Variants in SEC14L1 observed in about 807,000 individuals in gnomAD.
SEC14L1 encodes SEC14-like protein 1.
Under a neutral mutation model 85.3 loss-of-function variants are expected in SEC14L1, and 48 were observed. The ratio of observed to expected loss-of-function variants is 0.56; its 90% CI spans 0.45 to 0.72. The LOEUF (loss-of-function observed/expected upper bound fraction) is 0.72, where lower values mean the gene tolerates loss of function less well. SEC14L1 is among the 30% of genes least tolerant of loss of function. The pLI is 0.00. For missense variants in SEC14L1, 682 were observed against 921.4 expected (o/e 0.74, Z 3.36); for synonymous variants, 391 against 355.5 (o/e 1.10, Z -1.12).
chr17:77,141,936 A>G (rs2143505886), intron 1 of SEC14L1, among the ~76,000 whole-genome samples: 1 of 152,316 alleles, frequency 6.6e-6, no homozygotes, highest in African/African-American at 2.4e-5. Context: ...AGGTTTGCAA[A>G]AGAAAAAGAA....
At chr17:77,140,003 A>G (rs553500925), upstream of SEC14L1, among the ~76,000 whole-genome samples, 1 of 152,344 alleles carries the variant, frequency 6.6e-6, no homozygotes, top group Admixed American at 6.5e-5. Context: ...GCAGCATGAA[A>G]TGTACAGCCA....
chr17:77,132,664 C>A (rs1803229210), intron 3 of SEC14L1, among the ~76,000 whole-genome samples: 2 of 152,226 alleles, frequency 1.3e-5, no homozygotes, highest in Admixed American at 1.3e-4. Context: ...CTTGGCACAG[C>A]CTAGATAATT....
chr17:77,205,699 G>T (rs1355018106), intron 11 of SEC14L1, among the ~76,000 whole-genome samples: 1 of 152,204 alleles, frequency 6.6e-6, no homozygotes, highest in Non-Finnish European at 1.5e-5. Flanking sequence ...AAAATGTTTA[G>T]TGATTCAGAG....
At position 77,158,963 on chromosome 17, in the gene SEC14L1, G is replaced by A. The variant is rs35226720; in HGVS notation, c.63+15304G>A. 3.6e-4 allele frequency among the ~76,000 whole-genome samples: 53 copies of A among 146,864 alleles called. No homozygotes were observed. In the East Asian group the frequency reaches 0.01, roughly 28 times the overall value. ...TGGGATTACAAATGTGCACCACCAC[G>A]CCCGGCTAATTTTTGTAATTTTAAT... is the stretch of plus-strand genomic sequence containing the variant. On this transcript the variant is annotated intron_variant, in intron 3 of 16. Transcript: ENST00000436233.
In SEC14L1 at chr17:77,216,189, G is replaced by A. The variant is rs1282910564; in HGVS notation, c.*2166G>A. 30 of 768,210 alleles carry A rather than the reference G, an allele frequency of 3.9e-5. 1 individual carries two copies. Among genetic ancestry groups the A allele is most frequent in the African/African-American group, 2.3e-4 (9 of 39,242 alleles). The allele number at this position is 768,210 out of a possible 1,614,324, so 47.6% of individuals were successfully genotyped here. ...TAGGTAGGGCTAGTAGGTAGGGTTA[G>A]TAGGTAGGGCTAGTAGGTAGGGCTA... On this transcript the variant is annotated 3_prime_UTR_variant, in exon 17 of 17. Coordinates refer to ENST00000436233, the MANE Select transcript of SEC14L1 (RefSeq NM_001143998.2).
At chr17:77,152,130 G>A (rs931293667) in intron 3 of SEC14L1, among the ~76,000 whole-genome samples, 1 of 152,114 alleles carries the variant, frequency 6.6e-6, no homozygotes, top group Non-Finnish European at 1.5e-5. Flanking sequence ...ACACCACCAT[G>A]CCAGCTAATT....
intron 5 of SEC14L1, among the ~76,000 whole-genome samples, chr17:77,191,641 C>T (rs373682731): frequency 3.4e-4 from 52 of 152,142 alleles, no homozygotes; most frequent in East Asian, 1.7e-3. Flanking sequence ...TTCCCGAGTT[C>T]AAGTGATTCT....
chr17:77,116,985 G>C (rs529838625), intron 3 of SEC14L1, among the ~76,000 whole-genome samples: 2 of 152,294 alleles, frequency 1.3e-5, no homozygotes, highest in Non-Finnish European at 2.9e-5. Context: ...TGCTGTAATT[G>C]GCTGTCTCTG....
chr17:77,194,430 CTGTAG>C (rs1432824932), intron 6 of SEC14L1, among the ~76,000 whole-genome samples: 2 of 151,916 alleles, frequency 1.3e-5, no homozygotes, highest in Non-Finnish European at 2.9e-5. Flanking sequence ...TGGCATATAC[CTGTAG>C]TCCCAGCTAC....
intron 3 of SEC14L1, among the ~76,000 whole-genome samples, chr17:77,186,615 A>G (rs1022392533): frequency 3.3e-5 from 5 of 152,174 alleles, no homozygotes; most frequent in Admixed American, 2.6e-4. Flanking sequence ...CGTTGTGGAG[A>G]GAAAGTGAGA....
chr17:77,091,145 T>C (rs1028531332), intron 2 of SEC14L1, among the ~76,000 whole-genome samples: 1 of 152,178 alleles, frequency 6.6e-6, no homozygotes, highest in Non-Finnish European at 1.5e-5. Context: ...TGGAGTGCAG[T>C]GGTGTGATCT....
chr17:77,134,262 T>C (rs1004192996), intron 3 of SEC14L1, among the ~76,000 whole-genome samples: 340 of 151,958 alleles, frequency 2.2e-3, no homozygotes, highest in Non-Finnish European at 4.0e-3. Context: ...TTTTTTTTTT[T>C]TTTTGGAGAC....
At chr17:77,195,044 GT>G in intron 7 of SEC14L1, 133 bp downstream of exon 7, 1 of 652,010 alleles carries the variant, frequency 1.5e-6, no homozygotes, top group Admixed American at 2.9e-5. Flanking sequence ...CCCGTCTCTC[GT>G]TTCTGGCCCT....
chr17:77,141,995 A>G (rs1973072260), intron 1 of SEC14L1, among the ~76,000 whole-genome samples: 1 of 152,206 alleles, frequency 6.6e-6, no homozygotes, highest in African/African-American at 2.4e-5. Context: ...CAAGATGAAT[A>G]TTAGAAAAGC....
intron 7 of SEC14L1, among the ~76,000 whole-genome samples, chr17:77,195,252 T>C (rs1265993402): frequency 6.6e-6 from 1 of 151,862 alleles, no homozygotes; most frequent in Non-Finnish European, 1.5e-5. Context: ...TGCCTCGGCC[T>C]CCCAAAGTGC....
At chr17:77,114,856 AAAG>A (rs1972134611) in intron 3 of SEC14L1, among the ~76,000 whole-genome samples, 2 of 151,306 alleles carry the variant, frequency 1.3e-5, no homozygotes, top group South Asian at 4.2e-4. Context: ...AAAAAAAAAA[AAAG>A]GAGGCAGGCA....
intron 3 of SEC14L1, among the ~76,000 whole-genome samples, chr17:77,098,110 C>G (rs1971690616): frequency 6.6e-6 from 1 of 152,146 alleles, no homozygotes; most frequent in African/African-American, 2.4e-5. Context: ...GGACTTCTGC[C>G]TTTTCTCTGA....
In SEC14L1 at chr17:77,216,572, C is replaced by T; in HGVS notation, c.*2549C>T. The T allele has an allele frequency of 6.2e-7, 1 of 1,613,322 alleles. No individual in the cohort carries two copies. Among genetic ancestry groups the T allele is most frequent in the Non-Finnish European group, 8.5e-7 (1 of 1,179,462 alleles). Reference sequence around the variant, plus strand: ...AGATGGCGATTTTGCTGACAGCTGCCAAGAAAATGCTTCACTCAACAGTCC... The same window carrying T: ...AGATGGCGATTTTGCTGACAGCTGCTAAGAAAATGCTTCACTCAACAGTCC... On this transcript the variant is annotated 3_prime_UTR_variant, in exon 17 of 17. Transcript: ENST00000436233.
intron 3 of SEC14L1, among the ~76,000 whole-genome samples, chr17:77,113,126 T>A (rs1321585857): frequency 6.6e-6 from 1 of 151,714 alleles, no homozygotes; most frequent in East Asian, 1.9e-4. Flanking sequence ...ACCACTTCAC[T>A]CCAGCCCAGA....
Sources: allele counts gnomAD v4.1 joint callset (sites outside exome capture counted in the v4.1 genomes callset), GRCh38; gene constraint gnomAD v4.1.1; transcripts MANE v1.5; gene names NCBI Gene and HGNC (gene_info 2026-07-23, HGNC 2026-07-21).